Variants in PRKCZ observed in about 807,000 individuals in gnomAD.
PRKCZ encodes protein kinase C zeta type.
Under a neutral mutation model 79.5 loss-of-function variants are expected in PRKCZ, and 33 were observed. That is an observed-to-expected ratio of 0.41 (90% CI 0.31 to 0.55). The LOEUF is 0.55. PRKCZ is among the 20% of genes least tolerant of loss of function. The pLI, the probability that PRKCZ is intolerant of heterozygous loss-of-function variation, is 0.19. For synonymous variants in PRKCZ, 342 were observed against 320.9 expected (o/e 1.07, Z -0.70); for missense variants, 578 against 813.5 (o/e 0.71, Z 3.52).
intron 4 of PRKCZ, among the ~76,000 whole-genome samples, chr1:2,091,974 A>G (rs1438046422): frequency 6.6e-6 from 1 of 152,230 alleles, no homozygotes; most frequent in South Asian, 2.1e-4. Context: ...ACTCATGTAG[A>G]ATGGAAAGCG....
intron 5 of PRKCZ, 121 bp from the exon 6 acceptor site, chr1:2,144,089 G>C: frequency 7.2e-7 from 1 of 1,384,574 alleles, no homozygotes; most frequent in Non-Finnish European, 9.7e-7. Context: ...AAGGTGCCGG[G>C]GCCACCTGTT....
At chr1:2,074,420 T>C in intron 4 of PRKCZ, 22 of 1,208,790 alleles carry the variant, frequency 1.8e-5, no homozygotes, top group Non-Finnish European at 2.4e-5. Context: ...GGCCGATGCT[T>C]TTTGGTTGTG....
At chr1:2,166,147 A>AGTG in intron 10 of PRKCZ, among the ~76,000 whole-genome samples, 1 of 152,328 alleles carries the variant, frequency 6.6e-6, no homozygotes, top group South Asian at 2.1e-4. Context: ...AGGCATGTGC[A>AGTG]GTGGCTCACA....
intron 1 of PRKCZ, among the ~76,000 whole-genome samples, chr1:2,051,405 G>A (rs979811314): frequency 6.6e-6 from 1 of 152,232 alleles, no homozygotes; most frequent in Non-Finnish European, 1.5e-5. Context: ...CAGGCACAGC[G>A]GAGGGGTCGC....
At chr1:2,079,870 C>A (rs1178255878) in intron 4 of PRKCZ, among the ~76,000 whole-genome samples, 1 of 152,166 alleles carries the variant, frequency 6.6e-6, no homozygotes, top group Non-Finnish European at 1.5e-5. Flanking sequence ...GCGGAAGTCC[C>A]CAGGGGAGTG....
rs919805949 is a variant in PRKCZ, at chr1:2,058,303, C to T, written c.284-1238C>T. Among the ~76,000 whole-genome samples the T allele has an allele frequency of 6.1e-5, 9 of 148,652 alleles. No individual in the cohort carries two copies. In the Middle Eastern group the frequency reaches 0.01, roughly 170 times the overall value. ...CAGGCGTGAGCCACGGTGCCCGGCCCCAATTTTTTTTTTTTTTTTTTTTTT... is the reference window on the plus strand; with the variant it reads ...CAGGCGTGAGCCACGGTGCCCGGCCTCAATTTTTTTTTTTTTTTTTTTTTT... On this transcript the variant is annotated intron_variant, in intron 3 of 17. Coordinates refer to ENST00000378567, the MANE Select transcript of PRKCZ (RefSeq NM_002744.6).
intron 16 of PRKCZ, among the ~76,000 whole-genome samples, chr1:2,180,584 C>A (rs115231701): frequency 6.6e-6 from 1 of 151,640 alleles, no homozygotes; most frequent in Admixed American, 6.6e-5. Context: ...ATGACCTGGA[C>A]GCACGGACGA....
rs1553154687 is a variant in PRKCZ, at chr1:2,122,138, CGTG to C, written c.335-13118_335-13116del. 4.9e-4 allele frequency among the ~76,000 whole-genome samples: 2 copies of C among 4,062 alleles called. 1 individual carries two copies. The allele number at this position is 4,062 out of a possible 152,430, so 2.7% of individuals were successfully genotyped here. On this transcript the variant is annotated intron_variant, in intron 4 of 17. Coordinates refer to ENST00000378567, the MANE Select transcript of PRKCZ (RefSeq NM_002744.6). ...TTAGGGTCACGGTGGTGGTTAGGGT[CGTG>C]GTGGTTAGGGTCGTGGTGGTTAGGG...
At chr1:2,107,309 CT>C (rs1259104185) in intron 4 of PRKCZ, among the ~76,000 whole-genome samples, 1 of 152,236 alleles carries the variant, frequency 6.6e-6, no homozygotes, top group Non-Finnish European at 1.5e-5. Context: ...TGCGTCCTCC[CT>C]CTCCTGAGGC....
intron 7 of PRKCZ, among the ~76,000 whole-genome samples, chr1:2,148,468 A>G (rs180732701): frequency 1.3e-5 from 2 of 152,018 alleles, no homozygotes; most frequent in East Asian, 3.9e-4. Context: ...CTCTCCATCT[A>G]TCCATCCATT....
chr1:2,054,283 A>G (rs1189770750), intron 1 of PRKCZ, among the ~76,000 whole-genome samples: 1 of 152,134 alleles, frequency 6.6e-6, no homozygotes, highest in East Asian at 1.9e-4. Flanking sequence ...TGGGTGTCAG[A>G]AAGCCGTAGA....
At chr1:2,067,208 C>T (rs749591733) in intron 4 of PRKCZ, among the ~76,000 whole-genome samples, 19 of 152,048 alleles carry the variant, frequency 1.2e-4, no homozygotes, top group East Asian at 2.0e-4. Flanking sequence ...TTCTGGAAAA[C>T]GTCCCGTGTG....
In PRKCZ at chr1:2,106,410, T is replaced by C. The variant is rs112608950; in HGVS notation, c.335-28852T>C. Among the ~76,000 whole-genome samples the C allele has an allele frequency of 3.9e-3, 568 of 144,818 alleles. 2 individuals carry two copies. Among genetic ancestry groups the C allele is most frequent in the African/African-American group, 0.012 (470 of 39,298 alleles). On this transcript the variant is annotated intron_variant, in intron 4 of 17. Coordinates refer to ENST00000378567, the MANE Select transcript of PRKCZ (RefSeq NM_002744.6). ...ACCTGTGACTCTCAGCAAGCCCCTC[T>C]AGTGGGCGAGGACCTCCACACGTGT...
At chr1:2,101,249 G>T (rs541021074) in intron 4 of PRKCZ, among the ~76,000 whole-genome samples, 93 of 152,198 alleles carry the variant, frequency 6.1e-4, no homozygotes, top group African/African-American at 2.0e-3. Flanking sequence ...TTGTGTATTT[G>T]GTTACTAAAG....
intron 4 of PRKCZ, among the ~76,000 whole-genome samples, chr1:2,096,011 G>A (rs888394969): frequency 4.5e-4 from 67 of 150,444 alleles, no homozygotes; most frequent in African/African-American, 1.5e-3. Flanking sequence ...ACTCTGCGGA[G>A]TAAATGGGTG....
Position 2,054,689 on chromosome 1 carries a change from G to A in PRKCZ, c.72-752G>A, listed in dbSNP as rs563599029. On this transcript the variant is annotated intron_variant, in intron 1 of 17. Transcript: ENST00000378567. ...ATTATTTAATCCCCGCCACTTCACC[G>A]CTGGCACCGTCGAGGTCTGGGGGCA... Among the ~76,000 whole-genome samples the A allele has an allele frequency of 2.0e-4, 30 of 152,190 alleles. 1 individual carries two copies. In the East Asian group the frequency reaches 4.6e-3, roughly 23 times the overall value.
intron 4 of PRKCZ, among the ~76,000 whole-genome samples, chr1:2,083,208 G>A (rs139596273): frequency 6.6e-6 from 1 of 152,180 alleles, no homozygotes; most frequent in African/African-American, 2.4e-5. Flanking sequence ...GGGTCGCTTC[G>A]AGGGGAGGTG....
At chr1:2,056,128 G>C (rs973100991) in intron 2 of PRKCZ, among the ~76,000 whole-genome samples, 1 of 152,178 alleles carries the variant, frequency 6.6e-6, no homozygotes, top group African/African-American at 2.4e-5. Context: ...CCTGGGTTCT[G>C]TACACCTCCA....
Position 2,172,287 on chromosome 1 carries a change from C to G in PRKCZ, c.1198-14C>G. On this transcript the variant is annotated splice_polypyrimidine_tract_variant and intron_variant, in intron 12 of 17. Coordinates refer to ENST00000378567, the MANE Select transcript of PRKCZ (RefSeq NM_002744.6). This position sits in a 1 kb window ranked among gnomAD's most constrained non-coding sequence, Gnocchi z 7.8. ...GTCTACAAGAACCCTCTCCCAGTAACTTTGCCCCCACAGGAAGGCCTGGGC... is the reference window on the plus strand; with the variant it reads ...GTCTACAAGAACCCTCTCCCAGTAAGTTTGCCCCCACAGGAAGGCCTGGGC... 6.2e-7 allele frequency: 1 copy of G among 1,613,642 alleles called. No individual in the cohort carries two copies. Among genetic ancestry groups the G allele is most frequent in the Non-Finnish European group, 8.5e-7 (1 of 1,180,026 alleles).
Sources: gnomAD v4.1 joint callset for allele counts (sites outside exome capture counted in the v4.1 genomes callset) on GRCh38, gnomAD v4.1.1 for gene constraint, Gnocchi (gnomAD v3.1) non-coding constraint, MANE v1.5 for transcripts, NCBI Gene and HGNC (gene_info 2026-07-23, HGNC 2026-07-21) for gene names.